Variants in COL24A1 observed in about 807,000 individuals in gnomAD.
The protein encoded by COL24A1 is collagen type XXIV alpha 1 chain, also known as collagen alpha-1(XXIV) chain.
Under a neutral mutation model 253.9 loss-of-function variants are expected in COL24A1, and 224 were observed. That is an observed-to-expected ratio of 0.88 (90% CI 0.79 to 0.99). The LOEUF (loss-of-function observed/expected upper bound fraction) is 0.99. COL24A1 is among the 50% of genes least tolerant of loss of function. COL24A1 has a pLI of 0.00. For missense variants in COL24A1, 2,131 were observed against 2,068.5 expected, an observed-to-expected ratio of 1.03 and a Z score of -0.59; for synonymous variants, 685 against 673.7, an observed-to-expected ratio of 1.02 and a Z score of -0.26.
chr1:85,915,472 A>C (rs1399816597), intron 24 of COL24A1, among the ~76,000 whole-genome samples: 1 of 152,108 alleles, frequency 6.6e-6, no homozygotes, highest in Non-Finnish European at 1.5e-5. Context: ...ATGTGAGCCA[A>C]TTCTTTATAA....
intron 24 of COL24A1, among the ~76,000 whole-genome samples, chr1:85,921,561 A>C (rs1320377226): frequency 6.6e-6 from 1 of 152,218 alleles, no homozygotes; most frequent in Non-Finnish European, 1.5e-5. Context: ...AGCAAACTCC[A>C]ACAGACCTGC....
intron 3 of COL24A1, among the ~76,000 whole-genome samples, chr1:86,116,582 A>G (rs187296393): frequency 3.2e-4 from 48 of 152,298 alleles, no homozygotes; most frequent in African/African-American, 1.1e-3. Flanking sequence ...GGATCATTCC[A>G]ATTCAAAAAC....
rs568287084 is a variant in COL24A1 at position 85,746,958 on chromosome 1, C to T, written c.4438-1452G>A. ...CACCTTTATGTTGTTCACTTGGTCC[C>T]CTGCTGGTGATTATGGGTTTTAATT... On this transcript the variant is annotated intron_variant, in intron 55 of 59. Transcript: ENST00000370571. Among the ~76,000 whole-genome samples the T allele has an allele frequency of 6.6e-5, 10 of 152,110 alleles. No individual in the cohort carries two copies. The East Asian group carries it at 1.9e-3, about 29-fold the overall frequency.
chr1:86,058,481 A>AT (rs1700825127), intron 9 of COL24A1, among the ~76,000 whole-genome samples: 2 of 151,148 alleles, frequency 1.3e-5, no homozygotes, highest in Middle Eastern at 7.2e-3. Flanking sequence ...TTTGTTAACA[A>AT]TTTTTTTCTT....
chr1:85,754,563 AAAG>A (rs1274380508), intron 55 of COL24A1, among the ~76,000 whole-genome samples: 2 of 150,228 alleles, frequency 1.3e-5, no homozygotes, highest in East Asian at 3.9e-4. Flanking sequence ...AAAAAAAAAA[AAAG>A]AACTAAAGGA....
chr1:85,791,785 A>T (rs1670301023), intron 47 of COL24A1, among the ~76,000 whole-genome samples: 1 of 152,200 alleles, frequency 6.6e-6, no homozygotes. Flanking sequence ...TTACAGGCCA[A>T]TATTAACAGC....
At chr1:86,047,762 A>G (rs979647834) in intron 11 of COL24A1, among the ~76,000 whole-genome samples, 1 of 152,080 alleles carries the variant, frequency 6.6e-6, no homozygotes, top group South Asian at 2.1e-4. Context: ...TTTCATCATC[A>G]TCATTAAAAA....
At chr1:85,988,555 T>C (rs1203194515) in intron 19 of COL24A1, among the ~76,000 whole-genome samples, 1 of 152,092 alleles carries the variant, frequency 6.6e-6, no homozygotes, top group African/African-American at 2.4e-5. Context: ...TTATTGATTT[T>C]GTCATAGATT....
chr1:86,092,041 C>T (rs17407336), intron 6 of COL24A1, among the ~76,000 whole-genome samples: 19,697 of 151,994 alleles, frequency 0.13, 1,329 homozygotes, highest in Middle Eastern at 0.21. Flanking sequence ...TGGCAGGCCA[C>T]AGTAGACCTT....
intron 32 of COL24A1, among the ~76,000 whole-genome samples, chr1:85,886,355 C>A (rs184929958): frequency 1.3e-5 from 2 of 151,154 alleles, no homozygotes; most frequent in Non-Finnish European, 3.0e-5. Context: ...GGCCCCCATG[C>A]GATGATTTTT....
At chr1:85,839,110 G>T (rs776489070) in intron 42 of COL24A1, among the ~76,000 whole-genome samples, 23 of 151,950 alleles carry the variant, frequency 1.5e-4, no homozygotes, top group Non-Finnish European at 2.5e-4. Flanking sequence ...GAAGCAGGGG[G>T]AACACTTGAG....
At chr1:85,995,529 G>A (rs955936148) in intron 19 of COL24A1, among the ~76,000 whole-genome samples, 6 of 152,158 alleles carry the variant, frequency 3.9e-5, no homozygotes, top group Admixed American at 2.0e-4. Context: ...TTGATATTTA[G>A]GTTTGGATAA....
intron 14 of COL24A1, chr1:86,030,578 T>C (rs1698477377): frequency 6.6e-6 from 1 of 152,184 alleles, no homozygotes; most frequent in Non-Finnish European, 1.5e-5. Context: ...CAAAGGCCAT[T>C]TCCAACAGAC....
At chr1:85,784,834 G>A (rs1039115137) in intron 48 of COL24A1, among the ~76,000 whole-genome samples, 6 of 152,044 alleles carry the variant, frequency 3.9e-5, no homozygotes, top group African/African-American at 7.2e-5. Context: ...GGGCTCAAGC[G>A]ATCCTCCCAA....
chr1:85,808,910 C>A (rs1169232448), intron 47 of COL24A1, among the ~76,000 whole-genome samples: 1 of 152,090 alleles, frequency 6.6e-6, no homozygotes, highest in Non-Finnish European at 1.5e-5. Context: ...GGTGGGCAGG[C>A]AGCTAAGGAA....
At chr1:86,110,570 G>A (rs1023199403) in intron 5 of COL24A1, among the ~76,000 whole-genome samples, 3 of 151,946 alleles carry the variant, frequency 2.0e-5, no homozygotes, top group Non-Finnish European at 4.4e-5. Context: ...GAGAGGCGCA[G>A]GCAGGAACTG....
intron 2 of COL24A1, among the ~76,000 whole-genome samples, chr1:86,133,457 T>C (rs1423993996): frequency 6.6e-6 from 1 of 152,210 alleles, no homozygotes; most frequent in Non-Finnish European, 1.5e-5. Flanking sequence ...CTTCCAGTTT[T>C]TCCCATTCAG....
At chr1:86,151,602 T>C (rs1652784416) in intron 1 of COL24A1, among the ~76,000 whole-genome samples, 1 of 151,958 alleles carries the variant, frequency 6.6e-6, no homozygotes, top group Non-Finnish European at 1.5e-5. Context: ...AGACAGAAAA[T>C]AGATATCCAA....
At chr1:85,923,298 C>A (rs1264185552) in intron 24 of COL24A1, among the ~76,000 whole-genome samples, 1 of 152,146 alleles carries the variant, frequency 6.6e-6, no homozygotes, top group African/African-American at 2.4e-5. Context: ...AGGACTTGAA[C>A]TCAGCTCTGC....
Sources: allele counts gnomAD v4.1 joint callset (sites outside exome capture counted in the v4.1 genomes callset), GRCh38; gene constraint gnomAD v4.1.1; transcripts MANE v1.5; gene names NCBI Gene and HGNC (gene_info 2026-07-23, HGNC 2026-07-21).